The following DCHS2 variants were observed in gnomAD, a reference collection of about 807,000 sequenced individuals.
DCHS2 encodes the protein protocadherin-23.
Under a neutral mutation model 182.4 loss-of-function variants are expected in DCHS2, and 142 were observed. The ratio of observed to expected loss-of-function variants is 0.78; its 90% CI spans 0.68 to 0.89. The LOEUF (loss-of-function observed/expected upper bound fraction) is 0.89, where lower values mean the gene tolerates loss of function less well. Ranked by LOEUF, DCHS2 falls within the 40% of genes least tolerant of loss-of-function variation. DCHS2 has a pLI of 0.00. For synonymous variants in DCHS2, 1,740 were observed against 1,663.3 expected, an observed-to-expected ratio of 1.05 and a Z score of -1.12; for missense variants, 4,319 against 4,198.6, an observed-to-expected ratio of 1.03 and a Z score of -0.79.
chr4:154,429,535 T>C (rs1260006307), intron 1 of DCHS2, among the ~76,000 whole-genome samples: 1 of 152,166 alleles, frequency 6.6e-6, no homozygotes, highest in African/African-American at 2.4e-5. Flanking sequence ...GGAGGCAGCG[T>C]AGAACTCAGC....
At chr4:154,455,114 C>T (rs552898398) in intron 1 of DCHS2, among the ~76,000 whole-genome samples, 1 of 152,342 alleles carries the variant, frequency 6.6e-6, no homozygotes, top group East Asian at 1.9e-4. Flanking sequence ...GTAAACACTC[C>T]TTCACAAGTC....
intron 3 of DCHS2, among the ~76,000 whole-genome samples, chr4:154,341,364 G>A (rs1194715325): frequency 4.7e-5 from 6 of 126,358 alleles, no homozygotes; most frequent in Non-Finnish European, 9.5e-5. Flanking sequence ...GCGAGACTCT[G>A]TCTCAAAAAA....
chr4:154,467,359 A>G (rs1486884100), intron 1 of DCHS2, among the ~76,000 whole-genome samples: 1 of 152,162 alleles, frequency 6.6e-6, no homozygotes, highest in Non-Finnish European at 1.5e-5. Context: ...ATGAAATGAT[A>G]CCAGGTTATA....
chr4:154,286,786 A>C (rs917088061), intron 13 of DCHS2, among the ~76,000 whole-genome samples: 1 of 152,168 alleles, frequency 6.6e-6, no homozygotes, highest in Non-Finnish European at 1.5e-5. Flanking sequence ...GTAAGAGTAC[A>C]AAGTTTATTC....
At chr4:154,454,936 C>G (rs1348579100) in intron 1 of DCHS2, among the ~76,000 whole-genome samples, 1 of 152,204 alleles carries the variant, frequency 6.6e-6, no homozygotes, top group Non-Finnish European at 1.5e-5. Flanking sequence ...TGCTGAACCA[C>G]AGCTTTCTAA....
In DCHS2 at chr4:154,489,908, C is replaced by A; in HGVS notation, c.1448G>T (p.Gly483Val). 1 of 1,539,316 alleles carries A rather than the reference C, an allele frequency of 6.5e-7. No homozygotes were observed. Among genetic ancestry groups the A allele is most frequent in the Non-Finnish European group, 8.8e-7 (1 of 1,139,390 alleles). The change falls in exon 1 of 20, where the codon GGC becomes GTC. Residue 483 changes from glycine (G) to valine (V), a missense_variant. Gly to Val is a moderately radical substitution (Grantham distance 109). Transcript: ENST00000357232. The stretch of plus-strand genomic sequence containing the variant: ...AAGGAAAAATACCCCTGGGGGGCCG[C>A]CGGGTAGCAACGCGAAGTCTCCCTC... ...GGEGDFALLP[G>V]GPPGVFFLCV...
rs73856406 is a variant in DCHS2, at chr4:154,485,063, C to A, written c.2052+4241G>T. 6.3e-3 allele frequency among the ~76,000 whole-genome samples: 963 copies of A among 152,124 alleles called. 19 individuals carry two copies. The South Asian group carries it at 0.068, about 11-fold the overall frequency. ...ACAAACCACTTTCTACCTCAACATA[C>A]CAGTTATCTCCAATCCTTACATCCA... On this transcript the variant is annotated intron_variant, in intron 1 of 19. Coordinates refer to ENST00000357232, the MANE Select transcript of DCHS2 (RefSeq NM_001358235.2).
chr4:154,315,354 G>T (rs1023083276), intron 10 of DCHS2, among the ~76,000 whole-genome samples: 1 of 152,070 alleles, frequency 6.6e-6, no homozygotes, highest in Non-Finnish European at 1.5e-5. Flanking sequence ...CCAGCACCAT[G>T]CCTCTTCCAC....
At position 154,236,147 on chromosome 4, in the gene DCHS2, A is replaced by G; in HGVS notation, c.8505T>C (p.His2835=). 1.2e-6 allele frequency: 2 copies of G among 1,613,826 alleles called. No homozygotes were observed. Among genetic ancestry groups the G allele is most frequent in the Non-Finnish European group, 1.7e-6 (2 of 1,179,962 alleles). The change falls in exon 20 of 20, where the codon CAT becomes CAC. Residue 2835 remains histidine (H), a synonymous_variant. Transcript: ENST00000357232. The part of the protein sequence containing the change: ...FLIDPLTGDI[H]AKQILDYENG... ...TTTCATAGTCAAGGATTTGCTTAGC[A>G]TGAATATCCCCTGTCAAAGGGTCAA...
At chr4:154,346,513 C>T (rs1729367361) in intron 3 of DCHS2, among the ~76,000 whole-genome samples, 9 of 149,538 alleles carry the variant, frequency 6.0e-5, no homozygotes, top group African/African-American at 2.3e-4. Context: ...CCTTTGGTAA[C>T]ATGTCCTTAT....
chr4:154,472,076 T>G (rs950404280), intron 1 of DCHS2, among the ~76,000 whole-genome samples: 1 of 152,220 alleles, frequency 6.6e-6, no homozygotes, highest in Non-Finnish European at 1.5e-5. Flanking sequence ...TGGTTTGGAT[T>G]GCAAGAAGTT....
chr4:154,305,105 G>C lies in DCHS2; in HGVS notation c.5387C>G (p.Thr1796Ser). 6.2e-7 allele frequency: 1 copy of C among 1,609,314 alleles called. No homozygotes were observed. Among genetic ancestry groups the C allele is most frequent in the Non-Finnish European group, 8.5e-7 (1 of 1,178,716 alleles). The change falls in exon 11 of 20, where the codon ACC becomes AGC. Residue 1796 changes from threonine to serine, a missense_variant. Transcript: ENST00000357232. ...ILDREIQEVFTLRVLVRDGGF... is the reference protein window; with the variant it reads ...ILDREIQEVFSLRVLVRDGGF... Reference sequence around the variant, plus strand: ...CTCAAAGAATCCCTTACCTCGAAGGGTGAAGACTTCTTGAATTTCTCTGTC... The same window carrying C: ...CTCAAAGAATCCCTTACCTCGAAGGCTGAAGACTTCTTGAATTTCTCTGTC...
intron 14 of DCHS2, among the ~76,000 whole-genome samples, chr4:154,265,173 A>G (rs1041556219): frequency 6.6e-6 from 1 of 152,214 alleles, no homozygotes; most frequent in Non-Finnish European, 1.5e-5. Flanking sequence ...TCAAAAGACA[A>G]AAATCAGTTT....
chr4:154,312,110 T>C (rs1234542857), intron 10 of DCHS2, among the ~76,000 whole-genome samples: 1 of 152,176 alleles, frequency 6.6e-6, no homozygotes, highest in African/African-American at 2.4e-5. Context: ...ATGGCTTCAA[T>C]TAGCATGCTG....
intron 1 of DCHS2, among the ~76,000 whole-genome samples, chr4:154,442,940 C>A (rs1172524296): frequency 6.6e-6 from 1 of 152,040 alleles, no homozygotes; most frequent in Non-Finnish European, 1.5e-5. Flanking sequence ...AGACACACAC[C>A]CCTCTGCTCA....
intron 10 of DCHS2, among the ~76,000 whole-genome samples, chr4:154,313,857 G>C (rs927571885): frequency 6.6e-6 from 1 of 152,068 alleles, no homozygotes; most frequent in Non-Finnish European, 1.5e-5. Flanking sequence ...CAATAATTTT[G>C]TACCTAAATT....
At chr4:154,346,118 A>G (rs1234028452) in intron 3 of DCHS2, among the ~76,000 whole-genome samples, 1 of 152,214 alleles carries the variant, frequency 6.6e-6, no homozygotes, top group East Asian at 1.9e-4. Context: ...TTATCTAAAC[A>G]TAATTAGCTC....
chr4:154,292,926 A>C (rs1439730374), intron 13 of DCHS2, among the ~76,000 whole-genome samples: 1 of 152,176 alleles, frequency 6.6e-6, no homozygotes, highest in Non-Finnish European at 1.5e-5. Flanking sequence ...CCCGTTTCTT[A>C]AATGTGCCAC....
intron 2 of DCHS2, among the ~76,000 whole-genome samples, chr4:154,376,791 T>G (rs891596549): frequency 1.3e-5 from 2 of 152,174 alleles, no homozygotes; most frequent in Non-Finnish European, 2.9e-5. Context: ...ATCAGCCACA[T>G]TTAGCATGTG....
Sources: allele counts gnomAD v4.1 joint callset (sites outside exome capture counted in the v4.1 genomes callset), GRCh38; gene constraint gnomAD v4.1.1; transcripts MANE v1.5; gene names NCBI Gene and HGNC (gene_info 2026-07-23, HGNC 2026-07-21).